The following JARID2 variants were observed in gnomAD, a reference collection of about 807,000 sequenced individuals.
JARID2 encodes jumonji and AT-rich interaction domain containing 2.
In JARID2, 21 loss-of-function variants were observed where a neutral mutation model predicts 125.6. The observed-to-expected ratio is 0.17, with a 90% CI of 0.12 to 0.24. The LOEUF is 0.24. JARID2 is among the 10% of genes least tolerant of loss of function. The pLI, the probability that JARID2 is intolerant of heterozygous loss-of-function variation, is 1.00. For synonymous variants in JARID2, 736 were observed against 661.6 expected, an observed-to-expected ratio of 1.11 and a Z score of -1.73; for missense variants, 1,303 against 1,639.6, an observed-to-expected ratio of 0.79 and a Z score of 3.55.
intron 1 of JARID2, among the ~76,000 whole-genome samples, chr6:15,335,654 C>G (rs1762853339): frequency 6.6e-6 from 1 of 152,166 alleles, no homozygotes; most frequent in African/African-American, 2.4e-5. Context: ...GGTGTCTTTT[C>G]TCCTAGTGTC....
chr6:15,324,100 A>C (rs545669290), intron 1 of JARID2, among the ~76,000 whole-genome samples: 2 of 150,450 alleles, frequency 1.3e-5, no homozygotes, highest in East Asian at 4.0e-4. Context: ...AATGGCATGA[A>C]CCGGGGAGGC....
chr6:15,392,058 G>T (rs1765034442), intron 2 of JARID2, among the ~76,000 whole-genome samples: 2 of 98,862 alleles, frequency 2.0e-5, no homozygotes. Flanking sequence ...GTGTGTGTGT[G>T]TGTGTGTGTG....
At chr6:15,383,552 C>T (rs979902655) in intron 2 of JARID2, among the ~76,000 whole-genome samples, 1 of 152,064 alleles carries the variant, frequency 6.6e-6, no homozygotes, top group African/African-American at 2.4e-5. Context: ...ATAGCAAAAT[C>T]CCCCATAAGA....
At chr6:15,391,352 C>T (rs938333148) in intron 2 of JARID2, among the ~76,000 whole-genome samples, 2 of 152,152 alleles carry the variant, frequency 1.3e-5, no homozygotes, top group African/African-American at 4.8e-5. Flanking sequence ...ACCCCACAGA[C>T]TATTGGGTTC....
At chr6:15,323,240 C>T (rs1163070029) in intron 1 of JARID2, among the ~76,000 whole-genome samples, 3 of 152,254 alleles carry the variant, frequency 2.0e-5, no homozygotes, top group Non-Finnish European at 4.4e-5. Flanking sequence ...ATTGCCTTCT[C>T]TATCCATTAA....
chr6:15,384,183 C>T (rs567912296), intron 2 of JARID2, among the ~76,000 whole-genome samples: 3 of 151,778 alleles, frequency 2.0e-5, no homozygotes, highest in African/African-American at 2.4e-5. Context: ...ATTGCAGCCT[C>T]GACTCTCAGG....
chr6:15,342,945 C>T (rs954606271), intron 1 of JARID2, among the ~76,000 whole-genome samples: 4 of 152,110 alleles, frequency 2.6e-5, no homozygotes, highest in East Asian at 3.9e-4. Flanking sequence ...CAGTGGCTCA[C>T]GCCTGTAATC....
chr6:15,269,388 A>G (rs1453879086), intron 1 of JARID2, among the ~76,000 whole-genome samples: 1 of 152,116 alleles, frequency 6.6e-6, no homozygotes, highest in Non-Finnish European at 1.5e-5. Context: ...TTTAAGAGAC[A>G]GGGTCTGTTG....
intron 1 of JARID2, among the ~76,000 whole-genome samples, chr6:15,323,998 T>C (rs374718570): frequency 1.5e-3 from 229 of 151,116 alleles, no homozygotes; most frequent in Middle Eastern, 0.01. Context: ...CTGGCTAACA[T>C]GGTGAAACCC....
intron 6 of JARID2, 45 bp downstream of exon 6, chr6:15,487,587 T>G: frequency 6.8e-7 from 1 of 1,465,832 alleles, no homozygotes; most frequent in Non-Finnish European, 9.2e-7. Context: ...GACCCCAGTT[T>G]CCCACTTCAC....
chr6:15,515,073 A>T (rs962311800), intron 16 of JARID2, among the ~76,000 whole-genome samples: 1 of 151,684 alleles, frequency 6.6e-6, no homozygotes, highest in Non-Finnish European at 1.5e-5. Context: ...TGTTTGAGAC[A>T]GTCTTGCTCT....
At chr6:15,359,973 C>T (rs919675671) in intron 1 of JARID2, among the ~76,000 whole-genome samples, 4 of 152,200 alleles carry the variant, frequency 2.6e-5, no homozygotes, top group Admixed American at 2.6e-4. Flanking sequence ...AGGCGTGAGC[C>T]ACCACGTCTG....
intron 2 of JARID2, among the ~76,000 whole-genome samples, chr6:15,383,322 G>A (rs1296532260): frequency 1.4e-5 from 2 of 147,456 alleles, no homozygotes; most frequent in African/African-American, 5.0e-5. Flanking sequence ...TTTTTTTTAA[G>A]CTGAAGCTCT....
chr6:15,471,401 A>C (rs542636056), intron 5 of JARID2, among the ~76,000 whole-genome samples: 1 of 152,226 alleles, frequency 6.6e-6, no homozygotes, highest in East Asian at 1.9e-4. Context: ...TAGAGATTGA[A>C]GAGTGAAGAA....
intron 14 of JARID2, 146 bp downstream of exon 14, chr6:15,512,536 G>C: frequency 2.5e-6 from 2 of 812,298 alleles, no homozygotes; most frequent in Non-Finnish European, 3.9e-6. Context: ...TTAAGACGTG[G>C]TTGAAAGGTC....
At chr6:15,507,770 G>T (rs1771079917) in intron 11 of JARID2, among the ~76,000 whole-genome samples, 1 of 152,182 alleles carries the variant, frequency 6.6e-6, no homozygotes, top group Admixed American at 6.5e-5. Flanking sequence ...GCTCGTAAGG[G>T]ACGGATGGAT....
At chr6:15,460,758 G>A in intron 4 of JARID2, among the ~76,000 whole-genome samples, 1 of 152,200 alleles carries the variant, frequency 6.6e-6, no homozygotes, top group Non-Finnish European at 1.5e-5. Context: ...AGGCTGGAGT[G>A]CAGTGGCGTG....
intron 2 of JARID2, among the ~76,000 whole-genome samples, chr6:15,402,948 G>GACAC (rs1171631695): frequency 6.6e-6 from 1 of 152,122 alleles, no homozygotes; most frequent in Non-Finnish European, 1.5e-5. Flanking sequence ...CATGGGATTG[G>GACAC]ACACAAAACT....
chr6:15,420,283 A>G (rs970916888), intron 3 of JARID2, among the ~76,000 whole-genome samples: 1 of 152,002 alleles, frequency 6.6e-6, no homozygotes, highest in Admixed American at 6.6e-5. Flanking sequence ...CGCATCTGTA[A>G]TCCCAGCTAC....
Sources: allele counts gnomAD v4.1 joint callset (sites outside exome capture counted in the v4.1 genomes callset), GRCh38; gene constraint gnomAD v4.1.1; transcripts MANE v1.5; gene names NCBI Gene and HGNC (gene_info 2026-07-23, HGNC 2026-07-21).